GLMN: variants seen among roughly 807,000 people sequenced by gnomAD.
GLMN encodes glomulin.
A neutral mutation model predicts 87.8 loss-of-function variants in GLMN; 75 were observed. That is an observed-to-expected ratio of 0.85 (90% confidence interval 0.71 to 1.04). The LOEUF (loss-of-function observed/expected upper bound fraction) is 1.04. Ranked by LOEUF, GLMN falls within the 50% of genes least tolerant of loss-of-function variation. The probability of loss-of-function intolerance (pLI) is 0.00; values close to 1 mark genes in which losing one functional copy is unlikely to be tolerated. For synonymous variants in GLMN, 206 were observed against 221.6 expected (o/e 0.93, Z 0.63); for missense variants, 588 against 658.8 (o/e 0.89, Z 1.18).
At chr1:92,302,816 G>A (rs1434957694), upstream of GLMN, among the ~76,000 whole-genome samples, 4 of 151,570 alleles carry the variant, frequency 2.6e-5, no homozygotes, top group African/African-American at 9.7e-5. Context: ...TAGCCAGGAT[G>A]GTCTCGATTT....
At chr1:92,265,529 A>G (rs1655528308) in intron 13 of GLMN, among the ~76,000 whole-genome samples, 1 of 152,088 alleles carries the variant, frequency 6.6e-6, no homozygotes, top group Admixed American at 6.6e-5. Context: ...TCATCTCAAC[A>G]CTTTGGGAGG....
intron 7 of GLMN, among the ~76,000 whole-genome samples, chr1:92,285,378 A>G (rs1648605041): frequency 6.6e-6 from 1 of 150,826 alleles, no homozygotes; most frequent in Admixed American, 6.6e-5. Flanking sequence ...AAAACCAAAC[A>G]CCGCAGGTTC....
At chr1:92,290,055 T>A (rs1009810600) in intron 5 of GLMN, 143 bp downstream of exon 5, 2 of 669,258 alleles carry the variant, frequency 3.0e-6, no homozygotes, top group East Asian at 2.7e-5. Flanking sequence ...AGTATTCACA[T>A]TGGCATTGCT....
intron 14 of GLMN, 148 bp downstream of exon 14, chr1:92,264,406 T>C (rs1570885110): frequency 1.7e-6 from 1 of 583,534 alleles, no homozygotes; most frequent in Non-Finnish European, 3.0e-6. Context: ...TAAAACATAG[T>C]AGAAATAGGG....
At chr1:92,329,445 C>T in the GLMN span, among the ~76,000 whole-genome samples, 1 of 152,350 alleles carries the variant, frequency 6.6e-6, no homozygotes. Flanking sequence ...CTCACTCCCA[C>T]CGTGCCCCCA....
chr1:92,334,763 G>A, the GLMN span, among the ~76,000 whole-genome samples: 1 of 152,054 alleles, frequency 6.6e-6, no homozygotes, highest in East Asian at 1.9e-4. Flanking sequence ...GAGGCAGGCA[G>A]ATCACAAGGT....
At chr1:92,313,733 T>A in the GLMN span, among the ~76,000 whole-genome samples, 5 of 152,354 alleles carry the variant, frequency 3.3e-5, no homozygotes, top group Admixed American at 3.3e-4. Context: ...AATCCCTAGA[T>A]GGCATCTTCC....
chr1:92,337,432 CTT>C, the GLMN span, among the ~76,000 whole-genome samples: 1 of 151,994 alleles, frequency 6.6e-6, no homozygotes, highest in East Asian at 1.9e-4. Flanking sequence ...TTCAGTAAGT[CTT>C]TTACTAGAAA....
chr1:92,285,952 T>C (rs951640145), intron 7 of GLMN, among the ~76,000 whole-genome samples: 6 of 152,178 alleles, frequency 3.9e-5, no homozygotes, highest in African/African-American at 4.8e-5. Flanking sequence ...AAAATATTTA[T>C]CACAGGGCAT....
chr1:92,312,777 T>C, the GLMN span, among the ~76,000 whole-genome samples: 1 of 152,170 alleles, frequency 6.6e-6, no homozygotes. Context: ...TTAATGTTGA[T>C]ATTTTGGCCT....
intron 3 of GLMN, among the ~76,000 whole-genome samples, chr1:92,293,122 CTAA>C (rs1649610990): frequency 6.6e-6 from 1 of 152,054 alleles, no homozygotes; most frequent in Non-Finnish European, 1.5e-5. Flanking sequence ...AGGAAAAAAT[CTAA>C]TAATCCGATT....
At chr1:92,331,343 T>C in the GLMN span, among the ~76,000 whole-genome samples, 1 of 152,200 alleles carries the variant, frequency 6.6e-6, no homozygotes, top group Non-Finnish European at 1.5e-5. Flanking sequence ...CATGTCACAA[T>C]TGGTATACAG....
chr1:92,333,372 GT>G, the GLMN span: 1 of 1,593,974 alleles, frequency 6.3e-7, no homozygotes. Flanking sequence ...GTTTTGCTTT[GT>G]TTAAAAATGT....
chr1:92,246,407 G>A lies in GLMN; in HGVS notation c.*123C>T, dbSNP rs1652671718. The A allele has an allele frequency of 1.3e-5, 8 of 626,856 alleles. No homozygotes were observed. The highest frequency in any genetic ancestry group is 2.0e-5 in the South Asian group (1 of 50,262). 38.8% of individuals were successfully genotyped at this position (626,856 alleles called of 1,614,324 possible). The stretch of plus-strand genomic sequence containing the variant: ...TGTATCATTATAGAAATTGATAAAT[G>A]AGAAAAGCTACATTTATTTTTCAAG... On this transcript the variant is annotated 3_prime_UTR_variant, in exon 19 of 19. Transcript: ENST00000370360.
At chr1:92,370,327 ACAC>A in the GLMN span, among the ~76,000 whole-genome samples, 1 of 152,240 alleles carries the variant, frequency 6.6e-6, no homozygotes, top group Non-Finnish European at 1.5e-5. Context: ...ATAGGAAAGA[ACAC>A]CACTGCAAAC....
chr1:92,329,227 A>G, the GLMN span, among the ~76,000 whole-genome samples: 1 of 152,184 alleles, frequency 6.6e-6, no homozygotes, highest in African/African-American at 2.4e-5. Context: ...CCAAGAGATT[A>G]AGTCCTTTGT....
At chr1:92,323,830 A>T in the GLMN span, 1 of 1,614,116 alleles carries the variant, frequency 6.2e-7, no homozygotes, top group Non-Finnish European at 8.5e-7. Context: ...TTCAAATAGC[A>T]CTTTGCCTGA....
At position 92,262,878 on chromosome 1, in the gene GLMN, A is replaced by T. The variant is rs931561794; in HGVS notation, c.1458T>A (p.Asn486Lys). Reference sequence around the variant, plus strand: ...CTTCACTTACTTGATTGTCATTTTCATTATCTTTGATAACCAAATACCTCA... The same window carrying T: ...CTTCACTTACTTGATTGTCATTTTCTTTATCTTTGATAACCAAATACCTCA... ...NLLRYLVIKD[N>K]ENDNQTGLWT... The change falls in exon 16 of 19, where the codon AAT becomes AAA. Residue 486 changes from asparagine (N) to lysine (K), a missense_variant. Transcript: ENST00000370360. 1.7e-6 allele frequency: 2 copies of T among 1,149,618 alleles called. No homozygotes were observed. The highest frequency in any genetic ancestry group is 3.0e-5 in the African/African-American group (2 of 66,720). 71.2% of individuals were successfully genotyped at this position (1,149,618 alleles called of 1,614,324 possible).
chr1:92,303,804 G>A (rs1432293915), upstream of GLMN, among the ~76,000 whole-genome samples: 1 of 152,062 alleles, frequency 6.6e-6, no homozygotes, highest in Non-Finnish European at 1.5e-5. Flanking sequence ...TATATGTTGA[G>A]CACTTCTCTA....
Sources: gnomAD v4.1 joint callset for allele counts (sites outside exome capture counted in the v4.1 genomes callset) on GRCh38, gnomAD v4.1.1 for gene constraint, MANE v1.5 for transcripts, NCBI Gene and HGNC (gene_info 2026-07-23, HGNC 2026-07-21) for gene names.